NPIPA9: variants seen among roughly 807,000 people sequenced by gnomAD.
NPIPA9 encodes nuclear pore complex interacting protein family member A9.
chr16:18,370,494 T>C (rs1900528757), intron 3 of NPIPA9, among the ~76,000 whole-genome samples: 1 of 78,868 alleles, frequency 1.3e-5, no homozygotes, highest in Non-Finnish European at 2.6e-5. Flanking sequence ...CTTGAAAACA[T>C]CTCAATTTTA....
rs543362584 is a variant in NPIPA9, at chr16:18,371,542, A to G, written c.63+1181T>C. ...TTTGTTTTGGTCCGTTTTGTTTGTTAGAGACAAGAGTGCAGCGGGGCCATC... is the reference window on the plus strand; with the variant it reads ...TTTGTTTTGGTCCGTTTTGTTTGTTGGAGACAAGAGTGCAGCGGGGCCATC... On this transcript the variant is annotated intron_variant, in intron 3 of 9. Transcript: ENST00000427999. Among the ~76,000 whole-genome samples, 427 of 114,500 alleles carry G rather than the reference A, an allele frequency of 3.7e-3. 11 individuals are homozygous for G. The highest frequency in any genetic ancestry group is 6.0e-3 in the South Asian group (19 of 3,162). The allele number at this position is 114,500 out of a possible 152,430, so 75.1% of individuals were successfully genotyped here.
At chr16:18,374,461 A>G (rs889011770) in intron 2 of NPIPA9, 31 of 436,816 alleles carry the variant, frequency 7.1e-5, no homozygotes, top group Admixed American at 1.4e-4. Flanking sequence ...AAAAAAAAGA[A>G]GAAGCCCTAG....
intron 3 of NPIPA9, among the ~76,000 whole-genome samples, chr16:18,369,899 A>C (rs1900516611): frequency 6.9e-6 from 1 of 145,496 alleles, no homozygotes; most frequent in African/African-American, 2.6e-5. Flanking sequence ...GATTATATGA[A>C]TCTTTGTCAT....
intron 4 of NPIPA9, among the ~76,000 whole-genome samples, chr16:18,365,516 G>T (rs865833291): frequency 9.0e-4 from 6 of 6,674 alleles, no homozygotes; most frequent in African/African-American, 7.3e-3. Flanking sequence ...GAGGCAGAGG[G>T]TGCAGTGAGC....
intron 4 of NPIPA9, among the ~76,000 whole-genome samples, 156 bp from the exon 5 acceptor site, chr16:18,364,790 A>G (rs1900485409): frequency 2.7e-5 from 1 of 37,660 alleles, no homozygotes; most frequent in Non-Finnish European, 4.5e-5. Flanking sequence ...AAAAATACAA[A>G]AATTAGCCGG....
chr16:18,365,077 C>T (rs1900491725), intron 4 of NPIPA9, among the ~76,000 whole-genome samples: 1 of 77,350 alleles, frequency 1.3e-5, no homozygotes, highest in South Asian at 4.5e-4. Context: ...GAGTTTGAGA[C>T]CAGCCTCACC....
At position 18,376,726 on chromosome 16, in the gene NPIPA9, C is replaced by T. The variant is rs1360444329; in HGVS notation, c.-308+10G>A. On this transcript the variant is annotated intron_variant, in intron 1 of 9. Transcript: ENST00000427999. The stretch of plus-strand genomic sequence containing the variant: ...TTCCCAGTACTCCCGGGTCCCCAGC[C>T]CCAGCCCACCTTGCTCCGGGACATC... 28 of 312,416 alleles carry T rather than the reference C, an allele frequency of 9.0e-5. 2 individuals are homozygous for T. The highest frequency in any genetic ancestry group is 7.8e-4 in the Middle Eastern group (1 of 1,288). 19.4% of individuals were successfully genotyped at this position (312,416 alleles called of 1,614,324 possible).
In NPIPA9 at chr16:18,375,155, C is replaced by T. The variant is rs1316514980; in HGVS notation, c.-307-86G>A. 1.8e-5 allele frequency: 10 copies of T among 549,292 alleles called. 1 individual carries two copies. In the African/African-American group the frequency reaches 2.3e-4, roughly 13 times the overall value. 34.0% of individuals were successfully genotyped at this position (549,292 alleles called of 1,614,324 possible). On this transcript the variant is annotated intron_variant, in intron 1 of 9. Coordinates refer to ENST00000427999, the Ensembl canonical transcript of NPIPA9. ...GAAGCCACCTCCTCAGCAGACAGGA[C>T]AGAGCCCGGTGCCATCTGACAGAAT... is the stretch of plus-strand genomic sequence containing the variant.
At chr16:18,370,690 C>G (rs2141683902) in intron 3 of NPIPA9, among the ~76,000 whole-genome samples, 1 of 87,994 alleles carries the variant, frequency 1.1e-5, no homozygotes, top group Non-Finnish European at 2.4e-5. Flanking sequence ...TGGCATGCAT[C>G]TGTATACGCG....
chr16:18,371,525 G>A (rs1334925880), intron 3 of NPIPA9, among the ~76,000 whole-genome samples: 1 of 121,738 alleles, frequency 8.2e-6, no homozygotes, highest in Non-Finnish European at 1.7e-5. Flanking sequence ...ACTTTGTTTT[G>A]GTCCGTTTTG....
intron 4 of NPIPA9, among the ~76,000 whole-genome samples, chr16:18,365,077 C>A (rs1900491725): frequency 1.3e-5 from 1 of 77,352 alleles, no homozygotes; most frequent in South Asian, 4.5e-4. Flanking sequence ...GAGTTTGAGA[C>A]CAGCCTCACC....
At chr16:18,375,169 A>G (rs1900587007) in intron 1 of NPIPA9, 100 bp from the exon 2 acceptor site, 1 of 536,628 alleles carries the variant, frequency 1.9e-6, no homozygotes, top group African/African-American at 3.0e-5. Context: ...GCCCGGTGCC[A>G]TCTGACAGAA....
intron 3 of NPIPA9, among the ~76,000 whole-genome samples, chr16:18,371,451 T>TAAAAAAAAAAAAAAAAAAAA (rs778066038): frequency 1.8e-5 from 1 of 56,642 alleles, no homozygotes; most frequent in African/African-American, 7.3e-5. Context: ...GACTCTGTCT[T>TAAAAAAAAAAAAAAAAAAAA]AAAAAAAAAA....
intron 3 of NPIPA9, among the ~76,000 whole-genome samples, chr16:18,369,878 C>G (rs1332015081): frequency 8.0e-4 from 112 of 139,524 alleles, no homozygotes; most frequent in South Asian, 5.3e-3. Context: ...CTAAATAATA[C>G]TTCTCTCTTG....
chr16:18,369,993 TA>T (rs1900519122), intron 3 of NPIPA9, among the ~76,000 whole-genome samples: 3 of 144,070 alleles, frequency 2.1e-5, no homozygotes, highest in Admixed American at 7.0e-5. Context: ...TTTTAGTTCT[TA>T]AAAAGTAACA....
intron 2 of NPIPA9, among the ~76,000 whole-genome samples, chr16:18,374,241 C>T (rs1900567998): frequency 4.2e-5 from 1 of 23,798 alleles, no homozygotes; most frequent in African/African-American, 1.9e-4. Context: ...CGAGACCAGC[C>T]TCACCAACAT....
At position 18,374,210 on chromosome 16, in the gene NPIPA9, C is replaced by T. The variant is rs1209554825; in HGVS notation, c.-70+622G>A. Among the ~76,000 whole-genome samples the T allele has an allele frequency of 2.4e-4, 5 of 20,586 alleles. No homozygotes were observed. The South Asian group carries it at 4.8e-3, about 20-fold the overall frequency. The allele number at this position is 20,586 out of a possible 152,430, so 13.5% of individuals were successfully genotyped here. A position where few individuals can be genotyped will look rare whatever the true frequency, so the allele number is the denominator to read the frequency against. On this transcript the variant is annotated intron_variant, in intron 2 of 9. Coordinates refer to ENST00000427999, the Ensembl canonical transcript of NPIPA9. Reference sequence around the variant, plus strand: ...CAGCACTTTGGGAGGCTGAGGCAGGCGGATCACGAGGTTAGGAGTTCGAGA... The same window carrying T: ...CAGCACTTTGGGAGGCTGAGGCAGGTGGATCACGAGGTTAGGAGTTCGAGA...
At chr16:18,376,587 A>G in intron 1 of NPIPA9, 149 bp downstream of exon 1, 1 of 175,136 alleles carries the variant, frequency 5.7e-6, no homozygotes, top group Non-Finnish European at 1.0e-5. Context: ...CAGTCTAGCT[A>G]AGGCTGCTCA....
chr16:18,370,089 A>G (rs1900520967), intron 3 of NPIPA9, among the ~76,000 whole-genome samples: 1 of 131,558 alleles, frequency 7.6e-6, no homozygotes, highest in African/African-American at 2.9e-5. Flanking sequence ...CAGGAGATTG[A>G]GACCATCCTA....
Sources: gnomAD v4.1 joint callset for allele counts (sites outside exome capture counted in the v4.1 genomes callset) on GRCh38, gnomAD v4.1.1 for gene constraint, MANE v1.5 for transcripts, NCBI Gene and HGNC (gene_info 2026-07-23, HGNC 2026-07-21) for gene names.